The following FRYL variants were observed in gnomAD, a reference collection of about 807,000 sequenced individuals.
FRYL encodes the protein protein furry homolog-like.
FRYL carries 150 observed loss-of-function variants against 351.2 expected under a neutral mutation model. The ratio of observed to expected loss-of-function variants is 0.43; its 90% confidence interval spans 0.37 to 0.49. FRYL has a LOEUF of 0.49. FRYL is among the 20% of genes least tolerant of loss of function. The pLI is 0.00. For missense variants in FRYL, 3,036 were observed against 3,619.3 expected (o/e 0.84, Z 4.13); for synonymous variants, 1,153 against 1,257.1 (o/e 0.92, Z 1.75).
At chr4:48,586,528 C>T (rs556964729) in intron 19 of FRYL, 93 bp downstream of exon 19, 20 of 785,978 alleles carry the variant, frequency 2.5e-5, no homozygotes, top group Middle Eastern at 2.4e-4. Flanking sequence ...TCTTTAACAT[C>T]GCCTTTTTAG....
intron 33 of FRYL, among the ~76,000 whole-genome samples, chr4:48,560,494 A>C (rs1185562463): frequency 1.3e-5 from 2 of 152,154 alleles, no homozygotes; most frequent in Non-Finnish European, 2.9e-5. Flanking sequence ...CACACATCCT[A>C]GGCGATGACA....
chr4:48,553,015 A>G (rs1261316339), intron 36 of FRYL, among the ~76,000 whole-genome samples, 200 bp downstream of exon 36: 2 of 152,194 alleles, frequency 1.3e-5, no homozygotes, highest in African/African-American at 4.8e-5. Flanking sequence ...AAGACACAAT[A>G]AACTCTTGTT....
In FRYL at chr4:48,741,756, T is replaced by C. The variant is rs78536217; in HGVS notation, c.-383-31058A>G. Among the ~76,000 whole-genome samples the C allele has an allele frequency of 1.4e-3, 216 of 152,168 alleles. 6 individuals carry two copies. In the East Asian group the frequency reaches 0.04, roughly 28 times the overall value. On this transcript the variant is annotated intron_variant, in intron 1 of 63. Coordinates refer to ENST00000358350, the MANE Select transcript of FRYL (RefSeq NM_015030.2). ...GACATGGAGGAAACTTAAGTGCATA[T>C]TACTAAGTGAAAGAAGCCAGCCTGA...
intron 3 of FRYL, chr4:48,636,970 AGT>A (rs1290506268): frequency 1.2e-4 from 19 of 152,238 alleles, no homozygotes; most frequent in Non-Finnish European, 2.2e-4. Flanking sequence ...GGCACAGGAA[AGT>A]GTTCAAAATA....
At chr4:48,765,938 A>T (rs1774895804) in intron 1 of FRYL, among the ~76,000 whole-genome samples, 2 of 152,234 alleles carry the variant, frequency 1.3e-5, no homozygotes, top group South Asian at 2.1e-4. Flanking sequence ...TAAAAACCAC[A>T]ATGAGTTATC....
intron 3 of FRYL, among the ~76,000 whole-genome samples, chr4:48,667,157 G>A (rs1761853839): frequency 6.6e-6 from 1 of 152,050 alleles, no homozygotes; most frequent in Non-Finnish European, 1.5e-5. Flanking sequence ...ATAAAACAAA[G>A]TATGTATTCT....
At chr4:48,600,589 A>C (rs989326051) in intron 13 of FRYL, among the ~76,000 whole-genome samples, 6 of 152,228 alleles carry the variant, frequency 3.9e-5, no homozygotes, top group Non-Finnish European at 4.4e-5. Flanking sequence ...AGTATTGCAA[A>C]TATGTTAGGT....
At chr4:48,653,828 C>CAGCAGA (rs1166244265) in intron 3 of FRYL, 2 of 570,876 alleles carry the variant, frequency 3.5e-6, no homozygotes, top group Middle Eastern at 5.3e-4. Flanking sequence ...GCAGCAGCAG[C>CAGCAGA]AGCAGAAGCA....
chr4:48,644,162 G>T (rs185688362), intron 3 of FRYL, among the ~76,000 whole-genome samples: 1 of 151,986 alleles, frequency 6.6e-6, no homozygotes, highest in East Asian at 1.9e-4. Context: ...GGCTGATCTC[G>T]AACTCCCGAC....
intron 26 of FRYL, among the ~76,000 whole-genome samples, chr4:48,572,945 GAA>G (rs982155792): frequency 6.6e-6 from 1 of 152,182 alleles, no homozygotes; most frequent in African/African-American, 2.4e-5. Flanking sequence ...GTCCTTTGCA[GAA>G]AAAGTTTGCC....
intron 3 of FRYL, among the ~76,000 whole-genome samples, chr4:48,680,414 C>T (rs1764435409): frequency 6.6e-6 from 1 of 151,894 alleles, no homozygotes; most frequent in Non-Finnish European, 1.5e-5. Flanking sequence ...ATTATCCTCT[C>T]AAACTTTAAA....
At chr4:48,546,636 T>C (rs1023116970) in intron 41 of FRYL, 1 of 202,742 alleles carries the variant, frequency 4.9e-6, no homozygotes, top group Non-Finnish European at 1.0e-5. Flanking sequence ...TATAGAAAAT[T>C]TTCTATAATT....
At chr4:48,524,539 T>C (rs149507554) in intron 53 of FRYL, among the ~76,000 whole-genome samples, 29 of 152,352 alleles carry the variant, frequency 1.9e-4, no homozygotes, top group African/African-American at 6.0e-4. Context: ...AAGTTTGTTT[T>C]GTAGCAATCA....
At chr4:48,511,105 T>G (rs544861029) in intron 57 of FRYL, 121 bp from the exon 58 acceptor site, 28 of 556,890 alleles carry the variant, frequency 5.0e-5, no homozygotes, top group African/African-American at 3.5e-4. Flanking sequence ...TATAGAACTT[T>G]AATCATTGAT....
At chr4:48,706,685 A>T (rs1433145731) in intron 2 of FRYL, among the ~76,000 whole-genome samples, 2 of 152,198 alleles carry the variant, frequency 1.3e-5, no homozygotes, top group Non-Finnish European at 1.5e-5. Context: ...AAAAGGATGC[A>T]GCAAGTGTGA....
At chr4:48,563,694 C>T (rs545440991) in intron 31 of FRYL, among the ~76,000 whole-genome samples, 24 of 146,218 alleles carry the variant, frequency 1.6e-4, no homozygotes, top group African/African-American at 4.1e-4. Context: ...TGGGTGACAG[C>T]GAGACCATGT....
intron 60 of FRYL, among the ~76,000 whole-genome samples, chr4:48,504,210 T>C (rs1452801561): frequency 1.3e-5 from 2 of 152,104 alleles, no homozygotes. Flanking sequence ...CTGCTTATTA[T>C]GCAAAAGACA....
Position 48,609,810 on chromosome 4 carries a change from G to T in FRYL, c.425C>A (p.Pro142His). 1 of 1,583,488 alleles carries T rather than the reference G, an allele frequency of 6.3e-7. No homozygotes were observed. The highest frequency in any genetic ancestry group is 8.6e-7 in the Non-Finnish European group (1 of 1,161,184). Residue 142 changes from proline to histidine, a missense_variant, in exon 8 of 64, where the codon CCT becomes CAT. Coordinates refer to ENST00000358350, the MANE Select transcript of FRYL (RefSeq NM_015030.2). ...TTCATGAACTAAGGGATCGGGTACAGGATGAACAGGAATCTAGAATTTAAA... is the reference window on the plus strand; with the variant it reads ...TTCATGAACTAAGGGATCGGGTACATGATGAACAGGAATCTAGAATTTAAA... ...VEVLKQIPVH[P>H]VPDPLVHEVL...
chr4:48,555,121 T>C (rs1334833509), intron 35 of FRYL, among the ~76,000 whole-genome samples: 1 of 152,206 alleles, frequency 6.6e-6, no homozygotes, highest in African/African-American at 2.4e-5. Context: ...TAAATTATTA[T>C]TGACATTTAA....
Sources: gnomAD v4.1 joint callset for allele counts (sites outside exome capture counted in the v4.1 genomes callset) on GRCh38, gnomAD v4.1.1 for gene constraint, MANE v1.5 for transcripts, NCBI Gene and HGNC (gene_info 2026-07-23, HGNC 2026-07-21) for gene names.